RAPGEF5: variants seen among roughly 807,000 people sequenced by gnomAD.
RAPGEF5 encodes the protein Rap guanine nucleotide exchange factor 5, also known as M-Ras-regulated GEF.
Under a neutral mutation model 125.2 loss-of-function variants are expected in RAPGEF5, and 65 were observed. The observed-to-expected ratio is 0.52, with a 90% CI of 0.43 to 0.64. The LOEUF (loss-of-function observed/expected upper bound fraction) is 0.64. Ranked by LOEUF, RAPGEF5 falls within the 30% of genes least tolerant of loss-of-function variation. The pLI is 0.00. For synonymous variants in RAPGEF5, 391 were observed against 385.9 expected (o/e 1.01, Z -0.16); for missense variants, 958 against 1,048.1 (o/e 0.91, Z 1.19).
intron 6 of RAPGEF5, among the ~76,000 whole-genome samples, chr7:22,272,550 T>C (rs1029277488): frequency 1.2e-4 from 19 of 152,038 alleles, no homozygotes; most frequent in African/African-American, 3.4e-4. Context: ...TTTGATGCCA[T>C]GATAGAAATG....
Position 22,267,026 on chromosome 7 carries a change from AG to A in RAPGEF5, c.748-15del. 1 of 1,600,194 alleles carries A rather than the reference AG, an allele frequency of 6.2e-7. No individual in the cohort carries two copies. Among genetic ancestry groups the A allele is most frequent in the East Asian group, 2.2e-5 (1 of 44,658 alleles). ...CTCTCTCTGCACCTAATAAAATATT[AG>A]GGGGGAAAATCAAATTAGAAGAAGA... is the stretch of plus-strand genomic sequence containing the variant. On this transcript the variant is annotated splice_polypyrimidine_tract_variant and intron_variant, in intron 6 of 25. Transcript: ENST00000665637.
intron 12 of RAPGEF5, among the ~76,000 whole-genome samples, chr7:22,165,843 T>C (rs1019162518): frequency 1.3e-5 from 2 of 151,714 alleles, no homozygotes; most frequent in Admixed American, 6.6e-5. Flanking sequence ...TTGAAGGCAG[T>C]CTCCCTCTGT....
intron 2 of RAPGEF5, among the ~76,000 whole-genome samples, chr7:22,315,747 TATAA>T (rs953685432): frequency 1.6e-4 from 24 of 151,906 alleles, no homozygotes; most frequent in African/African-American, 5.8e-4. Context: ...TAACTACAGT[TATAA>T]ATAATTTTCT....
intron 7 of RAPGEF5, among the ~76,000 whole-genome samples, chr7:22,247,578 G>T (rs1352795754): frequency 2.0e-5 from 3 of 151,986 alleles, no homozygotes; most frequent in African/African-American, 7.3e-5. Flanking sequence ...TGATTGTGAG[G>T]CCTCCCCATT....
intron 12 of RAPGEF5, among the ~76,000 whole-genome samples, chr7:22,164,508 T>C (rs1583434386): frequency 1.3e-5 from 2 of 152,252 alleles, no homozygotes; most frequent in South Asian, 4.1e-4. Context: ...ATATATGTTC[T>C]ATGATTATGG....
intron 6 of RAPGEF5, among the ~76,000 whole-genome samples, chr7:22,281,193 A>C (rs548119978): frequency 1.3e-5 from 2 of 152,226 alleles, no homozygotes; most frequent in East Asian, 3.9e-4. Flanking sequence ...CCGTAATACA[A>C]GGGAATTGGA....
Position 22,183,218 on chromosome 7 carries a change from G to A in RAPGEF5, c.1204+10149C>T, listed in dbSNP as rs961599426. ...CAGGAGGGGGAGGTTGCAGTGAGTCGAGATGGTGCCATTGCACTCCAGCCT... is the reference window on the plus strand; with the variant it reads ...CAGGAGGGGGAGGTTGCAGTGAGTCAAGATGGTGCCATTGCACTCCAGCCT... On this transcript the variant is annotated intron_variant, in intron 11 of 25. Transcript: ENST00000665637. Among the ~76,000 whole-genome samples the A allele has an allele frequency of 6.1e-5, 8 of 132,070 alleles. No homozygotes were observed. The South Asian group carries it at 7.4e-4, about 12-fold the overall frequency. 86.6% of individuals were successfully genotyped at this position (132,070 alleles called of 152,430 possible). A position where few individuals can be genotyped will look rare whatever the true frequency, so the allele number is the denominator to read the frequency against.
At chr7:22,263,480 A>G (rs1205259505) in intron 7 of RAPGEF5, among the ~76,000 whole-genome samples, 1 of 152,208 alleles carries the variant, frequency 6.6e-6, no homozygotes, top group African/African-American at 2.4e-5. Flanking sequence ...CTATAATCCC[A>G]GCAGTTTGGG....
chr7:22,136,354 G>A (rs919888507), intron 22 of RAPGEF5, among the ~76,000 whole-genome samples: 3 of 151,920 alleles, frequency 2.0e-5, no homozygotes, highest in Admixed American at 6.6e-5. Flanking sequence ...GGAAATGACC[G>A]CAAATGAGAG....
chr7:22,320,998 T>C (rs1783704372), intron 1 of RAPGEF5, among the ~76,000 whole-genome samples: 1 of 152,170 alleles, frequency 6.6e-6, no homozygotes, highest in South Asian at 2.1e-4. Flanking sequence ...TGATGATTCC[T>C]TTATCCTATG....
intron 23 of RAPGEF5, among the ~76,000 whole-genome samples, chr7:22,133,740 T>G (rs1782993534): frequency 6.6e-6 from 1 of 152,192 alleles, no homozygotes; most frequent in African/African-American, 2.4e-5. Context: ...CTACGACTCC[T>G]TAGATCCTTA....
intron 25 of RAPGEF5, 42 bp downstream of exon 25, chr7:22,125,562 G>A (rs2302000): frequency 0.096 from 149,121 of 1,552,696 alleles, 8,906 homozygotes; most frequent in East Asian, 0.26. Context: ...TGGTACCAAC[G>A]TAGAGTCAAT....
At chr7:22,316,487 A>ATT (rs879849683) in intron 2 of RAPGEF5, among the ~76,000 whole-genome samples, 2,293 of 33,770 alleles carry the variant, frequency 0.068, 65 homozygotes, top group Non-Finnish European at 0.092. Flanking sequence ...ATATATATAT[A>ATT]TATTTTTTTT....
chr7:22,145,485 C>T (rs1261454206), intron 19 of RAPGEF5, among the ~76,000 whole-genome samples: 1 of 152,116 alleles, frequency 6.6e-6, no homozygotes, highest in Admixed American at 6.6e-5. Flanking sequence ...TCTAAGATAT[C>T]CTGAAGTTTA....
At chr7:22,165,254 C>A (rs935549439) in intron 12 of RAPGEF5, among the ~76,000 whole-genome samples, 1 of 152,082 alleles carries the variant, frequency 6.6e-6, no homozygotes, top group African/African-American at 2.4e-5. Context: ...TGTTTAGGGA[C>A]ATCCTATAGG....
intron 18 of RAPGEF5, among the ~76,000 whole-genome samples, chr7:22,148,336 G>A (rs1278625374): frequency 1.3e-5 from 2 of 152,116 alleles, no homozygotes; most frequent in African/African-American, 4.8e-5. Flanking sequence ...TACCCAACTC[G>A]AGTTATTAAC....
chr7:22,169,695 T>TAAAAA (rs34238182), intron 11 of RAPGEF5, among the ~76,000 whole-genome samples: 1 of 127,144 alleles, frequency 7.9e-6, no homozygotes, highest in African/African-American at 3.0e-5. Context: ...TCTCTACTGT[T>TAAAAA]AAAAAAAAAA....
rs555093343 is a variant in RAPGEF5 at position 22,136,907 on chromosome 7, A to C, written c.2328+26T>G. 9 of 1,530,950 alleles carry C rather than the reference A, an allele frequency of 5.9e-6. No homozygotes were observed. In the Admixed American group the frequency reaches 1.4e-4, roughly 24 times the overall value. The allele number at this position is 1,530,950 out of a possible 1,614,324, so 94.8% of individuals were successfully genotyped here. A position where few individuals can be genotyped will look rare whatever the true frequency, so the allele number is the denominator to read the frequency against. On this transcript the variant is annotated intron_variant, in intron 22 of 25. Transcript: ENST00000665637. ...GACCCTAGCAATTATTTTGAAGAATAAGTCCCCTTTGGCTCAACTACTTAC... is the reference window on the plus strand; with the variant it reads ...GACCCTAGCAATTATTTTGAAGAATCAGTCCCCTTTGGCTCAACTACTTAC...
At chr7:22,150,268 G>T in intron 18 of RAPGEF5, 139 bp downstream of exon 18, 1 of 739,724 alleles carries the variant, frequency 1.4e-6, no homozygotes, top group Non-Finnish European at 2.1e-6. Flanking sequence ...GTAGAGACAG[G>T]GTTGCAAACT....
Sources: allele counts gnomAD v4.1 joint callset (sites outside exome capture counted in the v4.1 genomes callset), GRCh38; gene constraint gnomAD v4.1.1; transcripts MANE v1.5; gene names NCBI Gene and HGNC (gene_info 2026-07-23, HGNC 2026-07-21).